Variants in GLMN observed in about 807,000 individuals in gnomAD.
GLMN encodes the protein glomulin.
A neutral mutation model predicts 87.8 loss-of-function variants in GLMN; 75 were observed. The ratio of observed to expected loss-of-function variants is 0.85; its 90% confidence interval spans 0.71 to 1.04. GLMN has a LOEUF of 1.04. Ranked by LOEUF, GLMN falls within the 50% of genes least tolerant of loss-of-function variation. The pLI is 0.00. For missense variants in GLMN, 588 were observed against 658.8 expected, an observed-to-expected ratio of 0.89 and a Z score of 1.18; for synonymous variants, 206 against 221.6, an observed-to-expected ratio of 0.93 and a Z score of 0.63.
chr1:92,268,747 G>C (rs1412658313), intron 9 of GLMN, among the ~76,000 whole-genome samples: 1 of 152,136 alleles, frequency 6.6e-6, no homozygotes, highest in African/African-American at 2.4e-5. Flanking sequence ...AGATGGGACT[G>C]ATAAACTGTC....
chr1:92,322,595 C>T, the GLMN span, among the ~76,000 whole-genome samples: 1 of 151,746 alleles, frequency 6.6e-6, no homozygotes, highest in Non-Finnish European at 1.5e-5. Context: ...AAAAGCTCAG[C>T]CGGGCACGGT....
At chr1:92,295,852 A>C (rs1649985425) in intron 3 of GLMN, among the ~76,000 whole-genome samples, 2 of 152,278 alleles carry the variant, frequency 1.3e-5, no homozygotes, top group African/African-American at 4.8e-5. Context: ...CATCTGGTAC[A>C]TGTAAACATG....
the GLMN span, among the ~76,000 whole-genome samples, chr1:92,336,143 T>C: frequency 6.6e-6 from 1 of 152,164 alleles, no homozygotes; most frequent in East Asian, 1.9e-4. Context: ...TCACACTCAG[T>C]AACAGACTAC....
chr1:92,287,629 C>G (rs907581167), intron 6 of GLMN, among the ~76,000 whole-genome samples: 1 of 152,124 alleles, frequency 6.6e-6, no homozygotes, highest in South Asian at 2.1e-4. Flanking sequence ...TGCGAGCCAC[C>G]ACGTCTGGCT....
chr1:92,309,177 C>T, the GLMN span, among the ~76,000 whole-genome samples: 3 of 152,152 alleles, frequency 2.0e-5, no homozygotes, highest in Non-Finnish European at 1.5e-5. Context: ...GGCGTGGTGG[C>T]TTACACCTGT....
At chr1:92,285,474 G>A (rs994017488) in intron 7 of GLMN, among the ~76,000 whole-genome samples, 6 of 152,174 alleles carry the variant, frequency 3.9e-5, no homozygotes, top group Non-Finnish European at 7.4e-5. Flanking sequence ...GGGCGTGGGG[G>A]GCTGGGGGAG....
At chr1:92,258,285 A>G (rs1002737088) in intron 16 of GLMN, among the ~76,000 whole-genome samples, 1 of 152,214 alleles carries the variant, frequency 6.6e-6, no homozygotes, top group African/African-American at 2.4e-5. Context: ...AGAAATAGGA[A>G]CGCTTTTACA....
At chr1:92,308,834 C>G in the GLMN span, among the ~76,000 whole-genome samples, 7 of 152,162 alleles carry the variant, frequency 4.6e-5, no homozygotes, top group Non-Finnish European at 8.8e-5. Flanking sequence ...GTGGCGGGCA[C>G]CTGTAATCCC....
chr1:92,332,147 C>G, the GLMN span, among the ~76,000 whole-genome samples: 2 of 151,280 alleles, frequency 1.3e-5, no homozygotes, highest in African/African-American at 4.9e-5. Context: ...GTCTCTTAAT[C>G]TCCTTTGTGC....
At chr1:92,335,358 T>C in the GLMN span, among the ~76,000 whole-genome samples, 1 of 152,204 alleles carries the variant, frequency 6.6e-6, no homozygotes, top group Non-Finnish European at 1.5e-5. Flanking sequence ...GTGTGAAACT[T>C]TTTATACTAT....
the GLMN span, among the ~76,000 whole-genome samples, chr1:92,325,148 A>G: frequency 3.5e-4 from 53 of 152,276 alleles, no homozygotes; most frequent in African/African-American, 1.3e-3. Flanking sequence ...TATTTCTACT[A>G]CCCATCTTTG....
At chr1:92,327,425 T>G in the GLMN span, among the ~76,000 whole-genome samples, 1 of 152,254 alleles carries the variant, frequency 6.6e-6, no homozygotes, top group African/African-American at 2.4e-5. Context: ...CCTCTTTGTC[T>G]TTTTAAACTG....
intron 7 of GLMN, among the ~76,000 whole-genome samples, chr1:92,272,982 G>A (rs532797213): frequency 4.6e-5 from 7 of 152,310 alleles, no homozygotes; most frequent in African/African-American, 1.2e-4. Flanking sequence ...CAAAAAAAGC[G>A]TAAGAAAGTT....
chr1:92,309,987 A>G, the GLMN span, among the ~76,000 whole-genome samples: 1 of 152,350 alleles, frequency 6.6e-6, no homozygotes, highest in African/African-American at 2.4e-5. Context: ...TAAAAGAGCT[A>G]AAAGGGTCCT....
chr1:92,269,610 A>G, intron 9 of GLMN, 113 bp downstream of exon 9: 1 of 762,292 alleles, frequency 1.3e-6, no homozygotes, highest in East Asian at 2.5e-5. Flanking sequence ...GTTTTATAAA[A>G]TAACCAATTA....
At chr1:92,261,845 G>GTGAT (rs1388616121) in intron 16 of GLMN, among the ~76,000 whole-genome samples, 16 of 152,150 alleles carry the variant, frequency 1.1e-4, no homozygotes, top group South Asian at 4.1e-4. Flanking sequence ...AGAGGGTGGA[G>GTGAT]TGATAGATAC....
the GLMN span, among the ~76,000 whole-genome samples, chr1:92,364,157 C>T: frequency 7.9e-5 from 12 of 152,134 alleles, no homozygotes; most frequent in Non-Finnish European, 1.6e-4. Context: ...GATGAGGCTA[C>T]AGATCATGGA....
chr1:92,277,701 AC>A lies in GLMN; in HGVS notation c.736-6050del, dbSNP rs545298012. 7.8e-4 allele frequency among the ~76,000 whole-genome samples: 119 copies of A among 152,314 alleles called. 1 individual carries two copies. Among genetic ancestry groups the A allele is most frequent in the Admixed American group, 5.0e-3 (77 of 15,302 alleles). The stretch of plus-strand genomic sequence containing the variant: ...CAGAAAGCTTCTGGAAGCTGAACGC[AC>A]GAAGTTTCCAGTAGGGTGGTGCATC... On this transcript the variant is annotated intron_variant, in intron 7 of 18. Transcript: ENST00000370360.
intron 16 of GLMN, 22 bp from the exon 17 acceptor site, chr1:92,248,011 GTTA>G (rs750270670): frequency 6.3e-5 from 59 of 932,822 alleles, no homozygotes; most frequent in Non-Finnish European, 8.7e-5. Context: ...GAAAGAATGA[GTTA>G]TTTAGTTCAA....
Sources: allele counts gnomAD v4.1 joint callset (sites outside exome capture counted in the v4.1 genomes callset), GRCh38; gene constraint gnomAD v4.1.1; transcripts MANE v1.5; gene names NCBI Gene and HGNC (gene_info 2026-07-23, HGNC 2026-07-21).